Variants in PCDHGA3 observed in about 807,000 individuals in gnomAD.
PCDHGA3 encodes the protein protocadherin gamma subfamily A, 3.
PCDHGA3 carries 40 observed loss-of-function variants against 58.5 expected under a neutral mutation model. The observed-to-expected ratio is 0.68, with a 90% confidence interval of 0.53 to 0.89. PCDHGA3 has a LOEUF of 0.89. PCDHGA3 is among the 40% of genes least tolerant of loss of function. The pLI is 0.00. For missense variants in PCDHGA3, 1,223 were observed against 1,195.9 expected, an observed-to-expected ratio of 1.02 and a Z score of -0.33; for synonymous variants, 530 against 525.7, an observed-to-expected ratio of 1.01 and a Z score of -0.11.
intron 1 of PCDHGA3, chr5:141,395,463 C>G (rs1164636639): frequency 6.9e-6 from 4 of 582,400 alleles, no homozygotes; most frequent in African/African-American, 5.7e-5. Flanking sequence ...CCATTTTAAG[C>G]CTTCCAGTAT....
rs766474451 is a variant in PCDHGA3 at position 141,477,676 on chromosome 5, AT to A, written c.2425-17130del. On this transcript the variant is annotated intron_variant, in intron 1 of 3. Coordinates refer to ENST00000253812, the MANE Select transcript of PCDHGA3 (RefSeq NM_018916.4). This position sits in a 1 kb window ranked among gnomAD's most constrained non-coding sequence, Gnocchi z 4.9. ...TAAATCGTGACAATGGCATAGTGTCATCCTTAGTGCCCCTAGACTATGAGGA... is the reference window on the plus strand; with the variant it reads ...TAAATCGTGACAATGGCATAGTGTCACCTTAGTGCCCCTAGACTATGAGGA... 6.2e-7 allele frequency: 1 copy of A among 1,614,194 alleles called. No homozygotes were observed. The highest frequency in any genetic ancestry group is 2.2e-5 in the East Asian group (1 of 44,886).
In PCDHGA3 at chr5:141,511,197, C is replaced by A; in HGVS notation, c.*24C>A. 1 of 1,613,140 alleles carries A rather than the reference C, an allele frequency of 6.2e-7. No individual in the cohort carries two copies. Among genetic ancestry groups the A allele is most frequent in the Non-Finnish European group, 8.5e-7 (1 of 1,179,524 alleles). Reference sequence around the variant, plus strand: ...AACATGGAGGCCAGGCCAAGAGCCACAGGGCGGCCTCTCCCCAACCAGCCC... The same window carrying A: ...AACATGGAGGCCAGGCCAAGAGCCAAAGGGCGGCCTCTCCCCAACCAGCCC... On this transcript the variant is annotated 3_prime_UTR_variant, in exon 4 of 4. Transcript: ENST00000253812.
At chr5:141,352,791 AC>A in intron 1 of PCDHGA3, 1 of 1,005,990 alleles carries the variant, frequency 9.9e-7, no homozygotes, top group Non-Finnish European at 1.4e-6. Context: ...GGAGTTTGAG[AC>A]CAGCATAGCC....
At chr5:141,374,028 G>A (rs1417226376) in intron 1 of PCDHGA3, 1 of 1,418,506 alleles carries the variant, frequency 7.0e-7, no homozygotes, top group Non-Finnish European at 9.3e-7. Context: ...GAGCAAAAGT[G>A]ATGCAGATCT....
In PCDHGA3 at chr5:141,505,323, G is replaced by T. The variant is rs996747379; in HGVS notation, c.2484-70G>T. 12 of 1,606,640 alleles carry T rather than the reference G, an allele frequency of 7.5e-6. No homozygotes were observed. In the African/African-American group the frequency reaches 1.5e-4, roughly 20 times the overall value. On this transcript the variant is annotated intron_variant, in intron 2 of 3. Transcript: ENST00000253812. Reference sequence around the variant, plus strand: ...TAGGGTACTAGGTTTGGGAGCCCTGGGAGAGGACAGGAGGGGCATGAGCTG... The same window carrying T: ...TAGGGTACTAGGTTTGGGAGCCCTGTGAGAGGACAGGAGGGGCATGAGCTG...
intron 1 of PCDHGA3, chr5:141,468,401 C>G (rs943048252): frequency 6.7e-6 from 1 of 149,126 alleles, no homozygotes; most frequent in Non-Finnish European, 1.5e-5. Flanking sequence ...TTGGTGAGAA[C>G]TAATAATAAG....
intron 1 of PCDHGA3, chr5:141,419,357 AC>A (rs1185938270): frequency 3.7e-6 from 6 of 1,613,814 alleles, no homozygotes; most frequent in Non-Finnish European, 4.2e-6. Context: ...GGAGTCACGA[AC>A]GCTGTCGTCC....
At chr5:141,360,435 T>C in intron 1 of PCDHGA3, 1 of 1,613,990 alleles carries the variant, frequency 6.2e-7, no homozygotes, top group Non-Finnish European at 8.5e-7. Flanking sequence ...GGAAGCAGCC[T>C]CTGTGTGTTC....
Position 141,476,208 on chromosome 5 carries a change from C to T in PCDHGA3, c.2425-18599C>T, listed in dbSNP as rs1266601125. The T allele has an allele frequency of 6.2e-7, 1 of 1,613,794 alleles. No homozygotes were observed. ...CTTGGTGCCTTGAACAAGGCTTCCA[C>T]GGTCATTCACTATGAGATCCCGGAG... On this transcript the variant is annotated intron_variant, in intron 1 of 3. Coordinates refer to ENST00000253812, the MANE Select transcript of PCDHGA3 (RefSeq NM_018916.4). The surrounding 1 kb of genome is among the most constrained non-coding windows in gnomAD (Gnocchi z 7.6).
chr5:141,417,902 C>G (rs2096184021), intron 1 of PCDHGA3: 1 of 1,588,280 alleles, frequency 6.3e-7, no homozygotes, highest in Non-Finnish European at 8.6e-7. Context: ...CGGCCCGCGG[C>G]AGGTACTATT....
At chr5:141,394,733 G>A (rs1353984219) in intron 1 of PCDHGA3, 1 of 1,613,324 alleles carries the variant, frequency 6.2e-7, no homozygotes, top group South Asian at 1.1e-5. Flanking sequence ...CGCTCAAGCA[G>A]AGCCTCGTGG....
chr5:141,500,144 C>T (rs2099796717), intron 2 of PCDHGA3, among the ~76,000 whole-genome samples: 1 of 151,426 alleles, frequency 6.6e-6, no homozygotes, highest in South Asian at 2.1e-4. Context: ...CTAAACTTTT[C>T]TTTGTGTAAT....
At chr5:141,430,078 T>A (rs911861599) in intron 1 of PCDHGA3, among the ~76,000 whole-genome samples, 2 of 152,282 alleles carry the variant, frequency 1.3e-5, no homozygotes, top group Admixed American at 1.3e-4. Context: ...TTCCATAATA[T>A]CATGAAAATT....
chr5:141,368,390 C>T (rs1290377488), intron 1 of PCDHGA3, among the ~76,000 whole-genome samples: 1 of 152,100 alleles, frequency 6.6e-6, no homozygotes, highest in Non-Finnish European at 1.5e-5. Flanking sequence ...CATACACACA[C>T]ACAAACACAC....
intron 1 of PCDHGA3, among the ~76,000 whole-genome samples, chr5:141,475,299 T>C (rs1227132122): frequency 6.6e-6 from 1 of 152,204 alleles, no homozygotes; most frequent in Non-Finnish European, 1.5e-5. Context: ...AAATTTCTTA[T>C]TGCTCCCTGG....
Position 141,432,388 on chromosome 5 carries a change from C to T in PCDHGA3, c.2425-62419C>T. The T allele has an allele frequency of 6.2e-7, 1 of 1,614,258 alleles. No homozygotes were observed. The highest frequency in any genetic ancestry group is 2.2e-5 in the East Asian group (1 of 44,892). The stretch of plus-strand genomic sequence containing the variant: ...GGGACAACGGGCACCCGCCCCTCAG[C>T]AGCAACGTGTCGTTGAGCCTGTTCG... On this transcript the variant is annotated intron_variant, in intron 1 of 3. Transcript: ENST00000253812. This position sits in a 1 kb window ranked among gnomAD's most constrained non-coding sequence, Gnocchi z 6.0.
chr5:141,393,477 C>T (rs1561642767), intron 1 of PCDHGA3: 1 of 1,614,040 alleles, frequency 6.2e-7, no homozygotes, highest in African/African-American at 1.3e-5. Context: ...CAAGCCGCCT[C>T]GCTCTAGCAC....
chr5:141,398,736 A>G (rs748665574), intron 1 of PCDHGA3: 1 of 1,613,884 alleles, frequency 6.2e-7, no homozygotes, highest in South Asian at 1.1e-5. Context: ...TAGACCGGGA[A>G]CAACAGAGTT....
Position 141,485,337 on chromosome 5 carries a change from A to G in PCDHGA3, c.2425-9470A>G, listed in dbSNP as rs147409155. On this transcript the variant is annotated intron_variant, in intron 1 of 3. Transcript: ENST00000253812. The surrounding 1 kb of genome is among the most constrained non-coding windows in gnomAD (Gnocchi z 5.7). ...AATGTCGCTCAAGATTTCCTGCTGG[A>G]TACGGACAGTCTGTCAGCTCGCAGG... 4.3e-5 allele frequency: 70 copies of G among 1,614,012 alleles called. No individual in the cohort carries two copies. Among genetic ancestry groups the G allele is most frequent in the Non-Finnish European group, 5.7e-5 (67 of 1,180,016 alleles).
Sources: allele counts gnomAD v4.1 joint callset (sites outside exome capture counted in the v4.1 genomes callset), GRCh38; gene constraint gnomAD v4.1.1; non-coding constraint Gnocchi (gnomAD v3.1); transcripts MANE v1.5; gene names NCBI Gene and HGNC (gene_info 2026-07-23, HGNC 2026-07-21).